Variants in NRG1 observed in about 807,000 individuals in gnomAD.
NRG1 encodes the protein neuregulin 1, also known as pro-neuregulin-1, membrane-bound isoform.
In NRG1, 18 loss-of-function variants were observed where a neutral mutation model predicts 63.8. The observed-to-expected ratio is 0.28, with a 90% CI of 0.19 to 0.42. The LOEUF (loss-of-function observed/expected upper bound fraction) is 0.42. Ranked by LOEUF, NRG1 falls within the 10% of genes least tolerant of loss-of-function variation. NRG1 has a pLI of 1.00. For synonymous variants in NRG1, 302 were observed against 301.3 expected, an observed-to-expected ratio of 1.00 and a Z score of -0.02; for missense variants, 762 against 814.7, an observed-to-expected ratio of 0.94 and a Z score of 0.79.
intron 1 of NRG1, among the ~76,000 whole-genome samples, chr8:31,959,838 T>TTCAA (rs1235764954): frequency 6.8e-6 from 1 of 146,258 alleles, no homozygotes; most frequent in Non-Finnish European, 1.5e-5. Flanking sequence ...TATTTATTTA[T>TTCAA]TATAGAGATG....
chr8:32,259,657 C>T lies in NRG1; in HGVS notation c.38-336171C>T, dbSNP rs139685249. Among the ~76,000 whole-genome samples, 563 of 152,278 alleles carry T rather than the reference C, an allele frequency of 3.7e-3. 8 individuals carry two copies. The highest frequency in any genetic ancestry group is 0.013 in the African/African-American group (545 of 41,560). On this transcript the variant is annotated intron_variant, in intron 1 of 10. Transcript: ENST00000519301. Reference sequence around the variant, plus strand: ...TGTTACCCCTCAACATTGTTTTAGTCAGTGCAAGACTACCAAAGTATAGGT... The same window carrying T: ...TGTTACCCCTCAACATTGTTTTAGTTAGTGCAAGACTACCAAAGTATAGGT...
intron 1 of NRG1, among the ~76,000 whole-genome samples, chr8:32,071,910 C>A (rs555249021): frequency 6.6e-6 from 1 of 152,234 alleles, no homozygotes; most frequent in South Asian, 2.1e-4. Context: ...GCATTTTTAA[C>A]TTTTAGAAAA....
intron 1 of NRG1, among the ~76,000 whole-genome samples, chr8:32,072,508 A>G (rs1429362518): frequency 6.6e-6 from 1 of 152,114 alleles, no homozygotes; most frequent in Non-Finnish European, 1.5e-5. Context: ...TCTGTCATGT[A>G]CCTTTCCACT....
intron 1 of NRG1, among the ~76,000 whole-genome samples, chr8:32,140,971 C>G (rs1369719756): frequency 6.6e-6 from 1 of 152,126 alleles, no homozygotes; most frequent in Non-Finnish European, 1.5e-5. Flanking sequence ...CACTCTCTCT[C>G]TCTCTGTCTC....
At chr8:31,663,680 G>A (rs980522478) in intron 1 of NRG1, among the ~76,000 whole-genome samples, 4 of 152,148 alleles carry the variant, frequency 2.6e-5, no homozygotes, top group African/African-American at 9.7e-5. Flanking sequence ...GGCTTTCATG[G>A]GGAAGAGGGC....
chr8:32,607,806 G>A (rs1845520248), intron 3 of NRG1, among the ~76,000 whole-genome samples: 1 of 152,088 alleles, frequency 6.6e-6, no homozygotes. Context: ...GAAGTTCATG[G>A]AATATTTTAA....
chr8:31,641,374 T>C lies in NRG1; in HGVS notation c.37+1943T>C, dbSNP rs376377509. The stretch of plus-strand genomic sequence containing the variant: ...CAAGTCATCTCAAGAAATTTTGTTT[T>C]CACAATATTTTGGTTTGGAGGATGT... On this transcript the variant is annotated intron_variant, in intron 1 of 10. Coordinates refer to the NRG1 transcript ENST00000519301. Among the ~76,000 whole-genome samples, 98 of 152,174 alleles carry C rather than the reference T, an allele frequency of 6.4e-4. 1 individual carries two copies. In the East Asian group the frequency reaches 0.013, roughly 20 times the overall value.
chr8:32,361,107 C>T (rs1807146482), intron 1 of NRG1, among the ~76,000 whole-genome samples: 1 of 152,130 alleles, frequency 6.6e-6, no homozygotes, highest in African/African-American at 2.4e-5. Context: ...TATAGAAACA[C>T]ATATTATATA....
intron 1 of NRG1, among the ~76,000 whole-genome samples, chr8:32,109,271 C>T (rs1160058244): frequency 2.6e-5 from 4 of 152,086 alleles, no homozygotes; most frequent in African/African-American, 9.7e-5. Flanking sequence ...TCCCAAGGTT[C>T]GCTGTTAGTA....
At chr8:32,441,654 A>G (rs565637063) in intron 1 of NRG1, among the ~76,000 whole-genome samples, 7 of 152,256 alleles carry the variant, frequency 4.6e-5, no homozygotes, top group East Asian at 1.9e-4. Context: ...ATTAAAAAAT[A>G]TCTAGACAAT....
chr8:32,655,719 T>C (rs1207007024), intron 5 of NRG1, among the ~76,000 whole-genome samples: 2 of 152,162 alleles, frequency 1.3e-5, no homozygotes, highest in African/African-American at 4.8e-5. Context: ...TTGAGTTACA[T>C]AGATTATTAC....
intron 1 of NRG1, among the ~76,000 whole-genome samples, chr8:32,523,358 T>C (rs540077427): frequency 3.3e-5 from 5 of 152,364 alleles, no homozygotes; most frequent in African/African-American, 1.2e-4. Flanking sequence ...CAGTGCTCTC[T>C]TCTTTTCAAA....
intron 1 of NRG1, among the ~76,000 whole-genome samples, chr8:32,457,591 A>G (rs189280874): frequency 4.5e-4 from 69 of 152,346 alleles, no homozygotes; most frequent in African/African-American, 1.6e-3. Context: ...ACCAGCAAAA[A>G]GAAAATGTTT....
At chr8:32,299,025 C>CAAAAAAAAAAAAAAAA (rs34799826) in intron 1 of NRG1, among the ~76,000 whole-genome samples, 19 of 59,538 alleles carry the variant, frequency 3.2e-4, no homozygotes, top group Non-Finnish European at 4.9e-4. Context: ...GACTCTATCT[C>CAAAAAAAAAAAAAAAA]AAAAAAAAAA....
intron 5 of NRG1, among the ~76,000 whole-genome samples, chr8:32,655,584 C>T (rs1801293498): frequency 6.6e-6 from 1 of 152,080 alleles, no homozygotes; most frequent in South Asian, 2.1e-4. Context: ...GGGTTCTTTA[C>T]CAGTGAATTA....
At chr8:32,711,052 G>A (rs551879669) in intron 5 of NRG1, among the ~76,000 whole-genome samples, 1 of 152,170 alleles carries the variant, frequency 6.6e-6, no homozygotes, top group East Asian at 1.9e-4. Context: ...TTCTCTAATG[G>A]CCTTGTTTGT....
intron 1 of NRG1, among the ~76,000 whole-genome samples, chr8:32,584,959 T>C (rs1042304273): frequency 6.6e-6 from 1 of 152,176 alleles, no homozygotes; most frequent in African/African-American, 2.4e-5. Flanking sequence ...AAAGAGAATT[T>C]TAGTGGCATG....
At chr8:32,118,183 G>A (rs542111160) in intron 1 of NRG1, among the ~76,000 whole-genome samples, 54 of 152,158 alleles carry the variant, frequency 3.5e-4, no homozygotes, top group African/African-American at 1.3e-3. Context: ...TAGCATTGGA[G>A]GTGGGCTTAA....
intron 1 of NRG1, among the ~76,000 whole-genome samples, chr8:32,528,984 G>A (rs900052549): frequency 5.3e-5 from 8 of 152,128 alleles, no homozygotes; most frequent in African/African-American, 1.2e-4. Context: ...ATATACAGTC[G>A]TACCTCACTT....
Sources: allele counts gnomAD v4.1 joint callset (sites outside exome capture counted in the v4.1 genomes callset), GRCh38; gene constraint gnomAD v4.1.1; transcripts MANE v1.5; gene names NCBI Gene and HGNC (gene_info 2026-07-23, HGNC 2026-07-21).